XXYLT1: variants seen among roughly 807,000 people sequenced by gnomAD.
XXYLT1 encodes the protein xyloside xylosyltransferase 1, also known as UDP-xylose:alpha-xyloside alpha-1,3-xylosyltransferase.
XXYLT1 carries 20 observed loss-of-function variants against 28.9 expected under a neutral mutation model. The observed-to-expected ratio is 0.69, with a 90% CI of 0.49 to 1.00. The LOEUF is 1.00. XXYLT1 is among the 50% of genes least tolerant of loss of function. The probability of loss-of-function intolerance (pLI) is 0.00; values close to 1 mark genes in which losing one functional copy is unlikely to be tolerated. For synonymous variants in XXYLT1, 257 were observed against 253.8 expected, an observed-to-expected ratio of 1.01 and a Z score of -0.12; for missense variants, 542 against 560.1, an observed-to-expected ratio of 0.97 and a Z score of 0.33.
intron 2 of XXYLT1, among the ~76,000 whole-genome samples, chr3:195,192,642 C>T (rs547406179): frequency 3.3e-5 from 5 of 152,146 alleles, no homozygotes; most frequent in Admixed American, 2.0e-4. Context: ...AATGTAATAC[C>T]CACAGACAAT....
intron 1 of XXYLT1, among the ~76,000 whole-genome samples, chr3:195,254,597 C>T (rs1725405452): frequency 6.6e-6 from 1 of 152,222 alleles, no homozygotes; most frequent in African/African-American, 2.4e-5. Context: ...CTCGCAAGGC[C>T]CAGATTCAGG....
chr3:195,094,549 C>CA (rs1716309727), intron 3 of XXYLT1: 1 of 153,952 alleles, frequency 6.5e-6, no homozygotes, highest in South Asian at 2.1e-4. Flanking sequence ...CTCCGGAAGC[C>CA]AAGATCTAAG....
In XXYLT1 at chr3:195,076,742, C is replaced by A. The variant is rs905147390; in HGVS notation, c.786-6631G>T. ...TGGTGGCTTGCTGGCAGTCTGGGAT[C>A]CTGGGAGAGGCATCACCCTGCTCTC... On this transcript the variant is annotated intron_variant, in intron 3 of 3. Transcript: ENST00000310380. The surrounding 1 kb of genome is among the most constrained non-coding windows in gnomAD (Gnocchi z 5.3). 2.0e-5 allele frequency among the ~76,000 whole-genome samples: 3 copies of A among 152,146 alleles called. No homozygotes were observed. The highest frequency in any genetic ancestry group is 4.4e-5 in the Non-Finnish European group (3 of 68,034).
chr3:195,197,174 C>T (rs917899208), intron 2 of XXYLT1, among the ~76,000 whole-genome samples: 1 of 152,214 alleles, frequency 6.6e-6, no homozygotes, highest in African/African-American at 2.4e-5. Flanking sequence ...CAGTGGCTCA[C>T]GCCTGTAATC....
intron 3 of XXYLT1, among the ~76,000 whole-genome samples, chr3:195,070,868 A>T (rs887452177): frequency 2.6e-5 from 4 of 152,044 alleles, no homozygotes; most frequent in African/African-American, 9.7e-5. Context: ...CTACTTTAGA[A>T]GGAATGTCAC....
At chr3:195,107,648 G>A (rs1371076319) in intron 3 of XXYLT1, among the ~76,000 whole-genome samples, 2 of 35,182 alleles carry the variant, frequency 5.7e-5, no homozygotes, top group African/African-American at 2.9e-4. Context: ...GGAGGAGGAG[G>A]AGGAGGAGGG....
chr3:195,270,812 C>CG lies in XXYLT1; in HGVS notation c.246dup (p.Gly83ArgfsTer56). ...CCCTCCAAGCTCTTGGCCTTCGCGC[C>CG]GGGGGCTGGCGCCACGGAGCCCCGC... On this transcript the variant is annotated frameshift_variant, in exon 1 of 4. Transcript: ENST00000310380. LOFTEE classifies it high-confidence loss of function. 1 of 1,463,414 alleles carries CG rather than the reference C, an allele frequency of 6.8e-7. No homozygotes were observed. Among genetic ancestry groups the CG allele is most frequent in the Non-Finnish European group, 9.0e-7 (1 of 1,106,054 alleles). 90.7% of individuals were successfully genotyped at this position (1,463,414 alleles called of 1,614,324 possible).
At chr3:195,220,444 G>A (rs970348323) in intron 2 of XXYLT1, among the ~76,000 whole-genome samples, 14 of 152,012 alleles carry the variant, frequency 9.2e-5, no homozygotes, top group Admixed American at 2.0e-4. Context: ...TCGCCCGGCC[G>A]GGCCCATGCT....
Position 195,177,705 on chromosome 3 carries a change from C to T in XXYLT1, c.653-21124G>A, listed in dbSNP as rs1577112346. On this transcript the variant is annotated intron_variant, in intron 2 of 3. Coordinates refer to ENST00000310380, the MANE Select transcript of XXYLT1 (RefSeq NM_152531.5). ...CCTTGGGAGGCTGAGGGAGGACGAT[C>T]GCTGAGTGCAGGTGTTTGAAAACCA... Among the ~76,000 whole-genome samples, 4 of 151,964 alleles carry T rather than the reference C, an allele frequency of 2.6e-5. 1 individual carries two copies. Among genetic ancestry groups the T allele is most frequent in the African/African-American group, 7.2e-5 (3 of 41,436 alleles).
intron 2 of XXYLT1, among the ~76,000 whole-genome samples, chr3:195,157,340 C>T (rs1165918036): frequency 6.7e-6 from 1 of 148,512 alleles, no homozygotes; most frequent in East Asian, 2.0e-4. Flanking sequence ...AAGTAAAAAA[C>T]ATTATGGTCT....
chr3:195,270,917 A>C lies in XXYLT1; in HGVS notation c.142T>G (p.Phe48Val). ...TTCAGCCTCTTGGTGGCGCTGGAGA[A>C]GGTCTCCCGGCCTGAGCCGAGGTAG... ...FYYLGSGRET[F>V]SSATKRLKEA... The change falls in exon 1 of 4, where the codon TTC becomes GTC. Residue 48 changes from phenylalanine to valine, a missense_variant. By Grantham distance (50) the Phe-to-Val change is conservative. Coordinates refer to ENST00000310380, the MANE Select transcript of XXYLT1 (RefSeq NM_152531.5). The C allele has an allele frequency of 6.7e-7, 1 of 1,481,790 alleles. No homozygotes were observed. The highest frequency in any genetic ancestry group is 1.5e-5 in the African/African-American group (1 of 68,022). The allele number at this position is 1,481,790 out of a possible 1,614,324, so 91.8% of individuals were successfully genotyped here. A position where few individuals can be genotyped will look rare whatever the true frequency, so the allele number is the denominator to read the frequency against.
Position 195,210,297 on chromosome 3 carries a change from C to T in XXYLT1, c.652+16412G>A, listed in dbSNP as rs1723258049. Among the ~76,000 whole-genome samples, 1 of 152,230 alleles carries T rather than the reference C, an allele frequency of 6.6e-6. No individual in the cohort carries two copies. Among genetic ancestry groups the T allele is most frequent in the South Asian group, 2.1e-4 (1 of 4,828 alleles). The stretch of plus-strand genomic sequence containing the variant: ...TGCTCTGCTGACCTCTCGCCTCTTG[C>T]TCCCTGTGTGACACCCACTCACTTG... On this transcript the variant is annotated intron_variant, in intron 2 of 3. Coordinates refer to ENST00000310380, the MANE Select transcript of XXYLT1 (RefSeq NM_152531.5). This position sits in a 1 kb window ranked among gnomAD's most constrained non-coding sequence, Gnocchi z 4.8.
intron 3 of XXYLT1, among the ~76,000 whole-genome samples, chr3:195,075,355 G>A (rs2108640068): frequency 6.6e-6 from 1 of 152,306 alleles, no homozygotes; most frequent in Admixed American, 6.5e-5. Flanking sequence ...GAAGACTGAG[G>A]GACTCCTGGT....
chr3:195,073,939 C>T (rs893250467), intron 3 of XXYLT1, among the ~76,000 whole-genome samples: 2 of 152,146 alleles, frequency 1.3e-5, no homozygotes, highest in Admixed American at 6.5e-5. Context: ...CAACCAAGGC[C>T]GCTCTGCTAA....
chr3:195,187,084 G>A (rs1328987544), intron 2 of XXYLT1, among the ~76,000 whole-genome samples: 5 of 151,002 alleles, frequency 3.3e-5, no homozygotes, highest in African/African-American at 9.7e-5. Flanking sequence ...TAATAGAGAC[G>A]GGAATTAGCC....
chr3:195,266,851 A>T (rs1287800496), intron 1 of XXYLT1, among the ~76,000 whole-genome samples: 1 of 152,210 alleles, frequency 6.6e-6, no homozygotes, highest in Non-Finnish European at 1.5e-5. Context: ...AAGTGTCCCC[A>T]GGTGATTCTG....
intron 3 of XXYLT1, among the ~76,000 whole-genome samples, chr3:195,080,498 C>T (rs1715371726): frequency 2.0e-5 from 3 of 151,022 alleles, no homozygotes; most frequent in Admixed American, 2.0e-4. Context: ...AGCCAGGCCC[C>T]AGCTCAGCTC....
intron 1 of XXYLT1, among the ~76,000 whole-genome samples, chr3:195,254,589 C>G (rs769806971): frequency 6.6e-6 from 1 of 152,220 alleles, no homozygotes; most frequent in Non-Finnish European, 1.5e-5. Flanking sequence ...GCAACAGGCT[C>G]GCAAGGCCCA....
In XXYLT1 at chr3:195,271,059, G is replaced by A. The variant is rs1726012289; in HGVS notation, c.-1C>T. 3 of 1,382,524 alleles carry A rather than the reference G, an allele frequency of 2.2e-6. No individual in the cohort carries two copies. The highest frequency in any genetic ancestry group is 2.8e-6 in the Non-Finnish European group (3 of 1,073,600). 85.6% of individuals were successfully genotyped at this position (1,382,524 alleles called of 1,614,324 possible). A position where few individuals can be genotyped will look rare whatever the true frequency, so the allele number is the denominator to read the frequency against. On this transcript the variant is annotated 5_prime_UTR_variant, in exon 1 of 4. Coordinates refer to ENST00000310380, the MANE Select transcript of XXYLT1 (RefSeq NM_152531.5). Reference sequence around the variant, plus strand: ...GGAGCCCGCCTCGGAGGAGGCCCATGCGCTACGAGACCGCGGCGCCAGCGG... The same window carrying A: ...GGAGCCCGCCTCGGAGGAGGCCCATACGCTACGAGACCGCGGCGCCAGCGG...
Sources: allele counts gnomAD v4.1 joint callset (sites outside exome capture counted in the v4.1 genomes callset), GRCh38; gene constraint gnomAD v4.1.1; non-coding constraint Gnocchi (gnomAD v3.1); transcripts MANE v1.5; gene names NCBI Gene and HGNC (gene_info 2026-07-23, HGNC 2026-07-21).